Variants in HEPHL1 observed in about 807,000 individuals in gnomAD.
HEPHL1 encodes hephaestin like 1.
HEPHL1 carries 123 observed loss-of-function variants against 122.0 expected under a neutral mutation model. The ratio of observed to expected loss-of-function variants is 1.01; its 90% CI spans 0.87 to 1.17. The LOEUF (loss-of-function observed/expected upper bound fraction) is 1.17, where lower values mean the gene tolerates loss of function less well. Among genes scored for constraint, HEPHL1 ranks in the 50% most tolerant of loss-of-function variants. HEPHL1 has a pLI of 0.00. For synonymous variants in HEPHL1, 527 were observed against 508.9 expected, an observed-to-expected ratio of 1.04 and a Z score of -0.48; for missense variants, 1,452 against 1,430.5, an observed-to-expected ratio of 1.01 and a Z score of -0.24.
chr11:94,065,384 C>CA (rs2134428422), intron 4 of HEPHL1, among the ~76,000 whole-genome samples: 1 of 152,316 alleles, frequency 6.6e-6, no homozygotes, highest in Non-Finnish European at 1.5e-5. Context: ...CTATCAATGA[C>CA]TTGCCTAAGG....
chr11:94,064,556 T>C, intron 4 of HEPHL1, 46 bp downstream of exon 4: 1 of 1,296,914 alleles, frequency 7.7e-7, no homozygotes, highest in African/African-American at 1.5e-5. Flanking sequence ...CCTTTTATAC[T>C]ATAAGGTACT....
intron 18 of HEPHL1, 48 bp from the exon 19 acceptor site, chr11:94,111,489 A>G: frequency 7.1e-7 from 1 of 1,403,066 alleles, no homozygotes; most frequent in South Asian, 1.2e-5. Flanking sequence ...CATGAAAAGA[A>G]TCCCCTTCTG....
intron 9 of HEPHL1, among the ~76,000 whole-genome samples, chr11:94,076,651 G>A (rs948254490): frequency 3.3e-5 from 5 of 151,632 alleles, no homozygotes; most frequent in African/African-American, 1.2e-4. Context: ...CCTATAACTT[G>A]GCTGAGAGAG....
At chr11:94,056,905 T>A (rs1470236260) in intron 2 of HEPHL1, among the ~76,000 whole-genome samples, 1 of 152,190 alleles carries the variant, frequency 6.6e-6, no homozygotes, top group Non-Finnish European at 1.5e-5. Flanking sequence ...TTTCCATTTA[T>A]TATGAAGTTT....
intron 1 of HEPHL1, among the ~76,000 whole-genome samples, chr11:94,042,875 T>TTAAAAAAAAAAA (rs772689404): frequency 4.7e-5 from 3 of 63,166 alleles, no homozygotes; most frequent in African/African-American, 6.7e-5. Flanking sequence ...TAAAGTATAA[T>TTAAAAAAAAAAA]AAAAAAAAAA....
At chr11:94,083,517 G>A (rs988808960) in intron 10 of HEPHL1, among the ~76,000 whole-genome samples, 3 of 152,220 alleles carry the variant, frequency 2.0e-5, no homozygotes, top group Non-Finnish European at 2.9e-5. Context: ...AAAAGTGCCC[G>A]AAGCAAGTAA....
At chr11:94,033,844 A>G (rs1945697184) in intron 1 of HEPHL1, among the ~76,000 whole-genome samples, 2 of 152,298 alleles carry the variant, frequency 1.3e-5, no homozygotes, top group South Asian at 2.1e-4. Flanking sequence ...GAGCTCACAA[A>G]CCAGAGATGT....
intron 15 of HEPHL1, among the ~76,000 whole-genome samples, chr11:94,103,648 C>T (rs774287274): frequency 9.9e-5 from 15 of 152,078 alleles, no homozygotes; most frequent in Admixed American, 3.3e-4. Flanking sequence ...TGTAAAACAA[C>T]CACAGTCTTT....
intron 2 of HEPHL1, among the ~76,000 whole-genome samples, chr11:94,049,690 A>G (rs973729284): frequency 6.6e-6 from 1 of 151,742 alleles, no homozygotes; most frequent in Non-Finnish European, 1.5e-5. Flanking sequence ...TGCTCCATTG[A>G]TCTATATACT....
chr11:94,046,007 A>G, intron 2 of HEPHL1, 90 bp downstream of exon 2: 1 of 1,004,968 alleles, frequency 1.0e-6, no homozygotes. Flanking sequence ...GAGCACATTG[A>G]TTACATGGAT....
chr11:94,025,899 A>G (rs372140540), intron 1 of HEPHL1, among the ~76,000 whole-genome samples: 1 of 152,220 alleles, frequency 6.6e-6, no homozygotes, highest in East Asian at 1.9e-4. Flanking sequence ...CTGATGCCAT[A>G]TGAATCTCTG....
chr11:94,039,241 A>C (rs1945752468), intron 1 of HEPHL1, among the ~76,000 whole-genome samples: 1 of 143,362 alleles, frequency 7.0e-6, no homozygotes, highest in Admixed American at 7.0e-5. Context: ...GTGACCTACA[A>C]AGAGACTTAG....
At chr11:94,030,241 A>T (rs893284100) in intron 1 of HEPHL1, among the ~76,000 whole-genome samples, 4 of 152,174 alleles carry the variant, frequency 2.6e-5, no homozygotes, top group Non-Finnish European at 5.9e-5. Flanking sequence ...CAGCTATAAA[A>T]CTGGGCAACT....
rs762818935 is a variant in HEPHL1 at position 94,042,891 on chromosome 11, A to AAAAAAAAAAAAAC, written c.171-2780_171-2779insAAAAAAAAAACAA. Among the ~76,000 whole-genome samples, 41 of 149,034 alleles carry AAAAAAAAAAAAAC rather than the reference A, an allele frequency of 2.8e-4. No individual in the cohort carries two copies. In the East Asian group the frequency reaches 3.9e-3, roughly 14 times the overall value. On this transcript the variant is annotated intron_variant, in intron 1 of 19. Transcript: ENST00000315765. ...AAAGTATAATAAAAAAAAAAAAAAA[A>AAAAAAAAAAAAAC]AACTGCATGAATTGCTCATTCTGGC...
In HEPHL1 at chr11:94,063,407, A is replaced by G. The variant is rs962217595; in HGVS notation, c.416-101A>G. ...TCCCATAGCAAATAAATTTTAATTC[A>G]GTTATGTTTGATTCCAAAGCTCTGG... is the stretch of plus-strand genomic sequence containing the variant. On this transcript the variant is annotated intron_variant, in intron 2 of 19. Coordinates refer to ENST00000315765, the MANE Select transcript of HEPHL1 (RefSeq NM_001098672.2). 5.6e-6 allele frequency: 5 copies of G among 897,982 alleles called. No homozygotes were observed. In the South Asian group the frequency reaches 8.6e-5, roughly 15 times the overall value. The allele number at this position is 897,982 out of a possible 1,614,324, so 55.6% of individuals were successfully genotyped here. A position where few individuals can be genotyped will look rare whatever the true frequency, so the allele number is the denominator to read the frequency against.
rs1364337062 is a variant in HEPHL1 at position 94,070,561 on chromosome 11, T to A, written c.1232+19T>A. On this transcript the variant is annotated intron_variant, in intron 6 of 19. Transcript: ENST00000315765. The stretch of plus-strand genomic sequence containing the variant: ...CTGGCAGGTAAGCACCCTTTGTTGG[T>A]GTTTCTAAGCCTCTCGTCAGAGAAG... The A allele has an allele frequency of 6.3e-7, 1 of 1,588,644 alleles. No individual in the cohort carries two copies. The highest frequency in any genetic ancestry group is 1.7e-5 in the Admixed American group (1 of 57,952).
In HEPHL1 at chr11:94,113,185, T is replaced by C. The variant is rs1427359578; in HGVS notation, c.*1291T>C. 2 of 152,308 alleles carry C rather than the reference T, an allele frequency of 1.3e-5. No individual in the cohort carries two copies. The highest frequency in any genetic ancestry group is 2.4e-5 in the African/African-American group (1 of 41,568). 9.4% of individuals were successfully genotyped at this position (152,308 alleles called of 1,614,324 possible). Reference sequence around the variant, plus strand: ...CTATGCTTAGACAGTAGGTGTAAGATTGATAAAAGTAACATTGTTTATTAC... The same window carrying C: ...CTATGCTTAGACAGTAGGTGTAAGACTGATAAAAGTAACATTGTTTATTAC... On this transcript the variant is annotated 3_prime_UTR_variant, in exon 20 of 20. Coordinates refer to ENST00000315765, the MANE Select transcript of HEPHL1 (RefSeq NM_001098672.2).
At chr11:94,064,187 A>C in intron 3 of HEPHL1, 144 bp from the exon 4 acceptor site, 1 of 580,636 alleles carries the variant, frequency 1.7e-6, no homozygotes, top group Non-Finnish European at 3.0e-6. Context: ...TCTCCATTAA[A>C]GCCTTTTGCT....
intron 2 of HEPHL1, chr11:94,055,571 T>G: frequency 3.4e-6 from 1 of 295,624 alleles, no homozygotes; most frequent in Non-Finnish European, 6.8e-6. Context: ...TTCTCCAGTA[T>G]CAAAGTAAGC....
Sources: gnomAD v4.1 joint callset for allele counts (sites outside exome capture counted in the v4.1 genomes callset) on GRCh38, gnomAD v4.1.1 for gene constraint, MANE v1.5 for transcripts, NCBI Gene and HGNC (gene_info 2026-07-23, HGNC 2026-07-21) for gene names.